Variants in TAF4 observed in about 807,000 individuals in gnomAD.
TAF4 encodes TATA-box binding protein associated factor 4.
TAF4 carries 9 observed loss-of-function variants against 90.3 expected under a neutral mutation model. The observed-to-expected ratio is 0.10, with a 90% CI of 0.06 to 0.17. The LOEUF (loss-of-function observed/expected upper bound fraction) is 0.17, where lower values mean the gene tolerates loss of function less well. Among genes scored for constraint, TAF4 ranks in the 10% least tolerant of loss-of-function variants. The probability of loss-of-function intolerance (pLI) is 1.00; values close to 1 mark genes in which losing one functional copy is unlikely to be tolerated. For missense variants in TAF4, 1,351 were observed against 1,370.7 expected (o/e 0.99, Z 0.23); for synonymous variants, 818 against 638.9 (o/e 1.28, Z -4.23).
chr20:62,012,447 A>T (rs2055784629), intron 3 of TAF4: 1 of 165,718 alleles, frequency 6.0e-6, no homozygotes, highest in Non-Finnish European at 1.3e-5. Flanking sequence ...CAAGTTACAC[A>T]CAAGGCCACA....
chr20:62,061,756 G>A (rs570546412), intron 1 of TAF4, among the ~76,000 whole-genome samples: 2 of 152,300 alleles, frequency 1.3e-5, no homozygotes, highest in South Asian at 4.1e-4. Flanking sequence ...TCTCACTAAA[G>A]ACTGAGTTTT....
In TAF4 at chr20:62,012,889, T is replaced by C. The variant is rs757790177; in HGVS notation, c.1567A>G (p.Ile523Val). 4.3e-6 allele frequency: 7 copies of C among 1,614,136 alleles called. No individual in the cohort carries two copies. Among genetic ancestry groups the C allele is most frequent in the South Asian group, 1.1e-5 (1 of 91,084 alleles). ...TGGGCCTGAGACACTTGCTTAATTA[T>C]GGTAGTTGGGGTCACCTGCCGTGCA... ...IIARQVTPTT[I>V]IKQVSQAQTT... The change falls in exon 3 of 15, where the codon ATA becomes GTA. Residue 523 changes from isoleucine to valine, a missense_variant. Physicochemically the swap from Ile to Val is conservative, Grantham distance 29. Around this residue, in one of 9 missense-constraint regions of TAF4, gnomAD observed 143 missense variants for 176.3 expected, o/e 0.81. Transcript: ENST00000252996.
chr20:62,009,251 T>C (rs2055764587), intron 4 of TAF4, 77 bp from the exon 5 acceptor site: 1 of 1,358,696 alleles, frequency 7.4e-7, no homozygotes, highest in Admixed American at 2.3e-5. Flanking sequence ...TACTAAAATA[T>C]GCATATGTAC....
In TAF4 at chr20:62,028,857, C is replaced by T. The variant is rs542850863; in HGVS notation, c.1361-14150G>A. Among the ~76,000 whole-genome samples, 116 of 152,306 alleles carry T rather than the reference C, an allele frequency of 7.6e-4. 1 individual carries two copies. The highest frequency in any genetic ancestry group is 1.4e-3 in the Non-Finnish European group (92 of 68,034). On this transcript the variant is annotated intron_variant, in intron 1 of 14. Transcript: ENST00000252996. ...GGCACAGGCTTGCATCCCATAAATA[C>T]CAACCCCTGTGTCAGCTACAGGTTA...
intron 1 of TAF4, among the ~76,000 whole-genome samples, chr20:62,039,787 C>G (rs975244367): frequency 3.3e-5 from 5 of 152,190 alleles, no homozygotes; most frequent in Non-Finnish European, 7.3e-5. Flanking sequence ...TAAACTCTTA[C>G]TAAATCAATA....
At chr20:62,046,335 C>T (rs750887130) in intron 1 of TAF4, among the ~76,000 whole-genome samples, 7 of 152,340 alleles carry the variant, frequency 4.6e-5, no homozygotes, top group Middle Eastern at 3.4e-3. Context: ...AGATTTAAAA[C>T]GTTTCTATTC....
In TAF4 at chr20:62,002,027, G is replaced by C. The variant is rs937357741; in HGVS notation, c.2486+1133C>G. On this transcript the variant is annotated intron_variant, in intron 9 of 14. Coordinates refer to ENST00000252996, the MANE Select transcript of TAF4 (RefSeq NM_003185.4). The stretch of plus-strand genomic sequence containing the variant: ...ATGCCTGCCGACACACTGAAACCCA[G>C]GGGTTTGCGTCAGCATTCCAATCCT... Among the ~76,000 whole-genome samples, 3 of 152,314 alleles carry C rather than the reference G, an allele frequency of 2.0e-5. No individual in the cohort carries two copies. The South Asian group carries it at 6.2e-4, about 32-fold the overall frequency.
At chr20:62,008,796 C>T (rs1021289569) in intron 5 of TAF4, 6 of 365,144 alleles carry the variant, frequency 1.6e-5, no homozygotes, top group Non-Finnish European at 2.4e-5. Flanking sequence ...AGACAAGGGA[C>T]GCAGGCACCA....
At chr20:62,044,559 A>T (rs1269493558) in intron 1 of TAF4, among the ~76,000 whole-genome samples, 3 of 152,222 alleles carry the variant, frequency 2.0e-5, no homozygotes, top group Non-Finnish European at 4.4e-5. Context: ...TAAAGAATAA[A>T]TTCTAAAGAC....
In TAF4 at chr20:62,003,962, C is replaced by T. The variant is rs2055725816; in HGVS notation, c.2224-84G>A. On this transcript the variant is annotated intron_variant, in intron 7 of 14. Transcript: ENST00000252996. ...GTCCCTAGCAGGAGGTTCTTCCCTT[C>T]CCTTCCTTTGCACCCCACGCCCCCA... The T allele has an allele frequency of 4.8e-6, 7 of 1,464,464 alleles. No individual in the cohort carries two copies. In the South Asian group the frequency reaches 9.7e-5, roughly 20 times the overall value. 90.7% of individuals were successfully genotyped at this position (1,464,464 alleles called of 1,614,324 possible).
chr20:61,993,191 A>C (rs2055642695), intron 14 of TAF4, among the ~76,000 whole-genome samples: 1 of 152,200 alleles, frequency 6.6e-6, no homozygotes, highest in Non-Finnish European at 1.5e-5. Flanking sequence ...CTCCAACCTC[A>C]AGGGACTAGT....
At chr20:62,043,754 A>G (rs1458491296) in intron 1 of TAF4, among the ~76,000 whole-genome samples, 3 of 152,226 alleles carry the variant, frequency 2.0e-5, no homozygotes, top group Non-Finnish European at 4.4e-5. Flanking sequence ...CGCACCACAC[A>G]GCCTAAGAGT....
chr20:61,985,829 G>C (rs1040025677), intron 14 of TAF4, among the ~76,000 whole-genome samples: 15 of 151,904 alleles, frequency 9.9e-5, no homozygotes, highest in African/African-American at 3.6e-4. Flanking sequence ...CCTGGATGCA[G>C]GGACACCCCA....
intron 1 of TAF4, among the ~76,000 whole-genome samples, chr20:62,041,268 T>C (rs2055962276): frequency 6.6e-6 from 1 of 152,180 alleles, no homozygotes; most frequent in South Asian, 2.1e-4. Flanking sequence ...GACATTTTAT[T>C]GTATATAAAT....
Position 62,012,840 on chromosome 20 carries a change from G to C in TAF4, c.1616C>G (p.Thr539Ser). The change falls in exon 3 of 15, where the codon ACC becomes AGC. Residue 539 changes from threonine (T) to serine (S), a missense_variant. This residue lies in a region of TAF4 where 143 missense variants were observed against 176.3 expected (regional missense o/e 0.81). Transcript: ENST00000252996. ...QAQTTVQPSA[T>S]LQRSPGVQPQ... ...CTGGACGCCGGGCGAGCGCTGCAGG[G>C]TTGCACTGGGCTGCACCGTTGTCTG... 6.2e-7 allele frequency: 1 copy of C among 1,613,974 alleles called. No homozygotes were observed. The highest frequency in any genetic ancestry group is 8.5e-7 in the Non-Finnish European group (1 of 1,179,994).
chr20:62,012,710 C>T (rs2055786199), intron 3 of TAF4, 105 bp downstream of exon 3: 1 of 1,344,838 alleles, frequency 7.4e-7, no homozygotes, highest in Non-Finnish European at 9.6e-7. Context: ...GACGTAGTAT[C>T]CAGTTTAAAA....
At chr20:62,043,708 C>G (rs2055976710) in intron 1 of TAF4, among the ~76,000 whole-genome samples, 8 of 152,228 alleles carry the variant, frequency 5.3e-5, no homozygotes, top group Admixed American at 4.6e-4. Context: ...GTACACGTCA[C>G]AAGCCATGCA....
chr20:61,999,230 G>A (rs780343834), intron 11 of TAF4, 122 bp from the exon 12 acceptor site: 25 of 1,301,282 alleles, frequency 1.9e-5, no homozygotes, highest in South Asian at 1.6e-4. Flanking sequence ...TGAATGCGGC[G>A]AGGACCCGAT....
intron 1 of TAF4, among the ~76,000 whole-genome samples, chr20:62,059,532 G>C (rs919648568): frequency 6.6e-6 from 1 of 152,202 alleles, no homozygotes; most frequent in Non-Finnish European, 1.5e-5. Flanking sequence ...AGCAACCGCA[G>C]GCCCACCTGG....
Sources: allele counts gnomAD v4.1 joint callset (sites outside exome capture counted in the v4.1 genomes callset), GRCh38; gene constraint gnomAD v4.1.1; regional missense constraint gnomAD v4.1.1; transcripts MANE v1.5; gene names NCBI Gene and HGNC (gene_info 2026-07-23, HGNC 2026-07-21).